The following FAAH2 variants were observed in gnomAD, a reference collection of about 807,000 sequenced individuals.
FAAH2 encodes fatty-acid amide hydrolase 2.
In FAAH2, 60 loss-of-function variants were observed where a neutral mutation model predicts 36.9. That is an observed-to-expected ratio of 1.63 (90% confidence interval 1.32 to 2.02). The LOEUF (loss-of-function observed/expected upper bound fraction) is 2.02, where lower values mean the gene tolerates loss of function less well. Among genes scored for constraint, FAAH2 ranks in the 30% most tolerant of loss-of-function variants. The pLI is 0.00. For synonymous variants in FAAH2, 214 were observed against 143.8 expected, an observed-to-expected ratio of 1.49 and a Z score of -3.49; for missense variants, 689 against 397.5, an observed-to-expected ratio of 1.73 and a Z score of -6.23.
Position 57,477,300 on chromosome X carries a change from T to G in FAAH2, c.1424-11457T>G, listed in dbSNP as rs1190765568. On this transcript the variant is annotated intron_variant, in intron 10 of 10. Transcript: ENST00000374900. ...AAAAGACACAATAATATAATTACAC[T>G]GCTACATATTCATGAAAAATTATTT... is the stretch of plus-strand genomic sequence containing the variant. Among the ~76,000 whole-genome samples, 3 of 110,744 alleles carry G rather than the reference T, an allele frequency of 2.7e-5. No homozygotes were observed. The Admixed American group carries it at 2.9e-4, about 11-fold the overall frequency.
rs759297889 is a variant in FAAH2 at position 57,429,275 on chromosome X, C to T, written c.997-2643C>T. Among the ~76,000 whole-genome samples, 174 of 105,035 alleles carry T rather than the reference C, an allele frequency of 1.7e-3. 1 individual carries two copies. The highest frequency in any genetic ancestry group is 5.8e-3 in the African/African-American group (166 of 28,795). 91.2% of individuals were successfully genotyped at this position (105,035 alleles called of 115,157 possible). ...AATGGCGTGAACCTGGGAGGTGGAGCTTGCAGTGAGCCCAGATGACGCCAC... is the reference window on the plus strand; with the variant it reads ...AATGGCGTGAACCTGGGAGGTGGAGTTTGCAGTGAGCCCAGATGACGCCAC... On this transcript the variant is annotated intron_variant, in intron 7 of 10. Transcript: ENST00000374900.
chrX:57,159,541 G>A, the FAAH2 span, among the ~76,000 whole-genome samples: 1 of 110,252 alleles, frequency 9.1e-6, no homozygotes, highest in African/African-American at 3.3e-5. Flanking sequence ...AGTTCTCCTT[G>A]AAGAGGTCCT....
At chrX:57,257,769 G>C in the FAAH2 span, among the ~76,000 whole-genome samples, 3 of 110,794 alleles carry the variant, frequency 2.7e-5, no homozygotes, top group Non-Finnish European at 5.7e-5. Context: ...TTTAACCAAG[G>C]ATGTGAAAAA....
intron 7 of FAAH2, among the ~76,000 whole-genome samples, chrX:57,421,941 G>T (rs1451851952): frequency 8.9e-6 from 1 of 111,924 alleles, no homozygotes. Context: ...GCAATGCCTT[G>T]TGTAAGGAAA....
At chrX:57,393,169 G>A (rs1038172887) in intron 7 of FAAH2, 3 of 1,153,011 alleles carry the variant, frequency 2.6e-6, no homozygotes, top group Non-Finnish European at 3.6e-6. Flanking sequence ...TATCTGTCTT[G>A]AATGCATTCA....
chrX:57,379,235 C>T (rs1041689395), intron 6 of FAAH2, among the ~76,000 whole-genome samples: 1 of 110,742 alleles, frequency 9.0e-6, no homozygotes, highest in Non-Finnish European at 1.9e-5. Flanking sequence ...CCATTTCCAG[C>T]GAAACTCTGA....
chrX:57,137,487 AGTCCCTG>A, the FAAH2 span: 9 of 257,363 alleles, frequency 3.5e-5, no homozygotes, highest in Non-Finnish European at 4.9e-5. Flanking sequence ...GGCTGCCACC[AGTCCCTG>A]ATGCAGTGGC....
chrX:57,313,100 G>T (rs992886356), intron 3 of FAAH2, among the ~76,000 whole-genome samples: 3 of 111,559 alleles, frequency 2.7e-5, no homozygotes, highest in African/African-American at 9.8e-5. Flanking sequence ...ACAATTAGAA[G>T]TATTAACAGC....
chrX:57,407,045 G>A (rs2055583953), intron 7 of FAAH2, among the ~76,000 whole-genome samples: 1 of 112,025 alleles, frequency 8.9e-6, no homozygotes, highest in South Asian at 3.8e-4. Flanking sequence ...CATTGTACCT[G>A]TGTTTCCTTT....
intron 1 of FAAH2, among the ~76,000 whole-genome samples, chrX:57,288,300 C>T (rs1037341247): frequency 2.1e-5 from 2 of 94,600 alleles, no homozygotes; most frequent in Admixed American, 2.3e-4. Flanking sequence ...GAAATCCTAG[C>T]TTTTCTACGA....
chrX:57,256,062 A>G, the FAAH2 span, among the ~76,000 whole-genome samples: 1 of 112,422 alleles, frequency 8.9e-6, no homozygotes, highest in Non-Finnish European at 1.9e-5. Flanking sequence ...TAAGCTGATA[A>G]GCAATTTCAG....
chrX:57,334,635 T>C (rs1440334580), intron 4 of FAAH2, among the ~76,000 whole-genome samples: 1 of 111,535 alleles, frequency 9.0e-6, no homozygotes, highest in Non-Finnish European at 1.9e-5. Context: ...TGTTGGGTGA[T>C]TATAGCTTGT....
At chrX:57,466,079 C>T (rs1160514781) in intron 10 of FAAH2, among the ~76,000 whole-genome samples, 1 of 105,744 alleles carries the variant, frequency 9.5e-6, no homozygotes, top group Non-Finnish European at 1.9e-5. Context: ...CATAAAAACA[C>T]ATACATACAT....
chrX:57,460,914 G>T (rs879023092), intron 10 of FAAH2, among the ~76,000 whole-genome samples: 4 of 111,268 alleles, frequency 3.6e-5, no homozygotes, highest in Non-Finnish European at 5.7e-5. Flanking sequence ...CCCACCTCAC[G>T]TGCAAAGACG....
the FAAH2 span, among the ~76,000 whole-genome samples, chrX:57,123,982 T>G: frequency 8.9e-6 from 1 of 111,955 alleles, no homozygotes; most frequent in Non-Finnish European, 1.9e-5. Context: ...TAGTTTCTTT[T>G]GCTGTGCAGA....
At chrX:57,443,302 G>A (rs962532209) in intron 8 of FAAH2, among the ~76,000 whole-genome samples, 24 of 111,473 alleles carry the variant, frequency 2.2e-4, no homozygotes, top group Non-Finnish European at 3.8e-4. Flanking sequence ...TGGAGGCTTT[G>A]TTCATTTTTT....
At chrX:57,138,740 T>A in the FAAH2 span, among the ~76,000 whole-genome samples, 1 of 111,842 alleles carries the variant, frequency 8.9e-6, no homozygotes, top group South Asian at 3.7e-4. Flanking sequence ...TTCTGTCTTT[T>A]TGATAATAGC....
the FAAH2 span, among the ~76,000 whole-genome samples, chrX:57,160,986 T>C: frequency 2.2e-4 from 25 of 112,380 alleles, no homozygotes; most frequent in African/African-American, 7.7e-4. Context: ...TGCTTTCTGT[T>C]GTGGGCATTT....
intron 7 of FAAH2, among the ~76,000 whole-genome samples, chrX:57,426,092 C>T (rs773062676): frequency 9.0e-5 from 10 of 111,720 alleles, no homozygotes; most frequent in Non-Finnish European, 1.7e-4. Flanking sequence ...GTGATACTGA[C>T]ATCATAGAAT....
Sources: allele counts gnomAD v4.1 joint callset (sites outside exome capture counted in the v4.1 genomes callset), GRCh38; gene constraint gnomAD v4.1.1; transcripts MANE v1.5; gene names NCBI Gene and HGNC (gene_info 2026-07-23, HGNC 2026-07-21).